The following CCDC7 variants were observed in gnomAD, a reference collection of about 807,000 sequenced individuals.
CCDC7 encodes coiled-coil domain containing 7.
Under a neutral mutation model 196.9 loss-of-function variants are expected in CCDC7, and 183 were observed. The ratio of observed to expected loss-of-function variants is 0.93; its 90% CI spans 0.82 to 1.05. The LOEUF is 1.05. Among genes scored for constraint, CCDC7 ranks in the 50% least tolerant of loss-of-function variants. The pLI is 0.00. For synonymous variants in CCDC7, 525 were observed against 484.6 expected, an observed-to-expected ratio of 1.08 and a Z score of -1.10; for missense variants, 1,540 against 1,482.2, an observed-to-expected ratio of 1.04 and a Z score of -0.64.
At chr10:32,723,947 T>G (rs192566788) in intron 25 of CCDC7, among the ~76,000 whole-genome samples, 103 of 152,126 alleles carry the variant, frequency 6.8e-4, no homozygotes, top group African/African-American at 2.2e-3. Context: ...TCTGATGACT[T>G]TTGTTGCCAT....
At chr10:32,447,576 A>G (rs1564596209), upstream of CCDC7, among the ~76,000 whole-genome samples, 1 of 152,104 alleles carries the variant, frequency 6.6e-6, no homozygotes, top group Non-Finnish European at 1.5e-5. Flanking sequence ...ATTTTTACTG[A>G]AAGCATCGTG....
At chr10:32,521,640 T>C (rs1480872019) in intron 11 of CCDC7, among the ~76,000 whole-genome samples, 1 of 151,620 alleles carries the variant, frequency 6.6e-6, no homozygotes, top group Admixed American at 6.6e-5. Flanking sequence ...CCATACCATC[T>C]GCAAACAAGG....
At position 32,477,063 on chromosome 10, in the gene CCDC7, A is replaced by ATT. The variant is rs61625076; in HGVS notation, c.796+3049_796+3050dup. Among the ~76,000 whole-genome samples the ATT allele has an allele frequency of 6.0e-4, 90 of 150,072 alleles. 1 individual carries two copies. The highest frequency in any genetic ancestry group is 3.5e-3 in the Middle Eastern group (1 of 288). ...GAGCCAGAATAAAGTCAAACTTAAC[A>ATT]TTTTTTTTTTATTTCACGAATTGTG... On this transcript the variant is annotated intron_variant, in intron 8 of 41. Transcript: ENST00000639629.
At chr10:32,702,538 G>T (rs4399239) in intron 24 of CCDC7, among the ~76,000 whole-genome samples, 2 of 152,014 alleles carry the variant, frequency 1.3e-5, no homozygotes, top group Non-Finnish European at 2.9e-5. Context: ...TATTAGGTCC[G>T]CTTGGTGCAG....
chr10:32,869,571 G>A (rs965334192), intron 41 of CCDC7, among the ~76,000 whole-genome samples: 62 of 151,676 alleles, frequency 4.1e-4, no homozygotes, highest in African/African-American at 1.2e-3. Flanking sequence ...TCGTTTAATC[G>A]GATCCTATTT....
At chr10:32,818,463 G>C (rs1215291444) in intron 31 of CCDC7, among the ~76,000 whole-genome samples, 1 of 152,114 alleles carries the variant, frequency 6.6e-6, no homozygotes, top group African/African-American at 2.4e-5. Flanking sequence ...TCCAGGAATT[G>C]AACTCAGCTC....
At chr10:32,838,083 G>A (rs1266023299) in intron 33 of CCDC7, among the ~76,000 whole-genome samples, 3 of 151,824 alleles carry the variant, frequency 2.0e-5, no homozygotes, top group African/African-American at 7.3e-5. Flanking sequence ...ATACAAATAT[G>A]CATATAAAAA....
chr10:32,475,952 C>T (rs1039336361), intron 8 of CCDC7, among the ~76,000 whole-genome samples: 8 of 152,168 alleles, frequency 5.3e-5, no homozygotes, highest in African/African-American at 1.9e-4. Context: ...AATTACAGAG[C>T]TCCCATTAGT....
chr10:32,536,339 G>A (rs2050496081), intron 11 of CCDC7, among the ~76,000 whole-genome samples: 1 of 151,484 alleles, frequency 6.6e-6, no homozygotes. Context: ...AAAACAACAA[G>A]CAGACCTACA....
chr10:32,566,096 T>G (rs79730544), intron 14 of CCDC7, among the ~76,000 whole-genome samples: 1 of 152,252 alleles, frequency 6.6e-6, no homozygotes, highest in East Asian at 1.9e-4. Flanking sequence ...AAAAGTGTAT[T>G]TGTGTATTAT....
chr10:32,495,208 A>C (rs2042728787), intron 9 of CCDC7, among the ~76,000 whole-genome samples: 3 of 152,176 alleles, frequency 2.0e-5, no homozygotes, highest in Admixed American at 2.0e-4. Context: ...ATGTCTATTC[A>C]TATTCTTCAC....
At chr10:32,757,235 C>T (rs1270797666) in intron 28 of CCDC7, among the ~76,000 whole-genome samples, 3 of 152,178 alleles carry the variant, frequency 2.0e-5, no homozygotes, top group African/African-American at 7.2e-5. Flanking sequence ...TTGAATTCAG[C>T]TCTGCACCAA....
intron 21 of CCDC7, among the ~76,000 whole-genome samples, chr10:32,664,383 C>T (rs991282475): frequency 7.2e-5 from 11 of 151,818 alleles, no homozygotes; most frequent in Non-Finnish European, 1.5e-4. Context: ...CTTAAAATTT[C>T]TCTTAGCAAT....
intron 30 of CCDC7, among the ~76,000 whole-genome samples, chr10:32,813,279 T>A (rs1260629366): frequency 6.6e-6 from 1 of 152,220 alleles, no homozygotes; most frequent in African/African-American, 2.4e-5. Context: ...TTTTTAATAA[T>A]TTTTATACGT....
At chr10:32,821,816 T>C (rs988214004) in intron 31 of CCDC7, among the ~76,000 whole-genome samples, 3 of 146,706 alleles carry the variant, frequency 2.0e-5, no homozygotes, top group African/African-American at 7.6e-5. Flanking sequence ...TGTTGTGGGG[T>C]GGGGGTAGGG....
exon 34 of CCDC7, chr10:32,845,326 A>C: frequency 6.4e-7 from 1 of 1,553,434 alleles, no homozygotes. Flanking sequence ...GGGTCACCAA[A>C]GTAAGAAAAA....
At chr10:32,522,083 G>T (rs1219683202) in intron 11 of CCDC7, among the ~76,000 whole-genome samples, 1 of 152,120 alleles carries the variant, frequency 6.6e-6, no homozygotes, top group Admixed American at 6.5e-5. Context: ...TTTTGTTAGA[G>T]TTTTGTTGAG....
intron 21 of CCDC7, among the ~76,000 whole-genome samples, chr10:32,666,038 T>C (rs903731710): frequency 6.6e-6 from 1 of 151,972 alleles, no homozygotes; most frequent in African/African-American, 2.4e-5. Context: ...TGTTTGTGTG[T>C]TGACTTTCTA....
At chr10:32,484,210 A>C (rs529240210) in intron 8 of CCDC7, among the ~76,000 whole-genome samples, 46 of 152,296 alleles carry the variant, frequency 3.0e-4, no homozygotes, top group African/African-American at 1.0e-3. Flanking sequence ...GAGGTCCTTC[A>C]CATGCCCTGT....
Sources: gnomAD v4.1 joint callset for allele counts (sites outside exome capture counted in the v4.1 genomes callset) on GRCh38, gnomAD v4.1.1 for gene constraint, MANE v1.5 for transcripts, NCBI Gene and HGNC (gene_info 2026-07-23, HGNC 2026-07-21) for gene names.